UVRAG: variants seen among roughly 807,000 people sequenced by gnomAD.
UVRAG encodes the protein UV radiation resistance associated, also known as UV radiation resistance-associated gene protein.
UVRAG carries 19 observed loss-of-function variants against 78.0 expected under a neutral mutation model. The observed-to-expected ratio is 0.24, with a 90% CI of 0.17 to 0.36. The LOEUF (loss-of-function observed/expected upper bound fraction) is 0.36. Among genes scored for constraint, UVRAG ranks in the 10% least tolerant of loss-of-function variants. UVRAG has a pLI of 1.00. For missense variants in UVRAG, 740 were observed against 853.8 expected (o/e 0.87, Z 1.66); for synonymous variants, 323 against 324.6 (o/e 1.00, Z 0.05).
intron 3 of UVRAG, among the ~76,000 whole-genome samples, chr11:75,870,649 G>T (rs1404540882): frequency 1.3e-5 from 2 of 152,242 alleles, no homozygotes; most frequent in African/African-American, 2.4e-5. Context: ...GACCAGGAGG[G>T]TTTAGGCTTT....
intron 13 of UVRAG, among the ~76,000 whole-genome samples, chr11:76,101,251 C>T (rs1460784712): frequency 6.6e-6 from 1 of 152,002 alleles, no homozygotes; most frequent in South Asian, 2.1e-4. Flanking sequence ...TCAACTTTGC[C>T]AGCATCTATT....
intron 13 of UVRAG, among the ~76,000 whole-genome samples, chr11:76,113,924 C>CT (rs201639000): frequency 1.3e-4 from 20 of 151,820 alleles, no homozygotes; most frequent in Non-Finnish European, 2.2e-4. Flanking sequence ...CCACATTTTT[C>CT]TTTTTTTTGG....
chr11:76,129,862 A>G (rs972185829), intron 14 of UVRAG, among the ~76,000 whole-genome samples: 3 of 151,800 alleles, frequency 2.0e-5, no homozygotes, highest in African/African-American at 7.3e-5. Flanking sequence ...TTTCCAAAGT[A>G]TAAATGTCTC....
intron 5 of UVRAG, among the ~76,000 whole-genome samples, chr11:75,890,679 A>C (rs1481351911): frequency 2.0e-5 from 3 of 152,168 alleles, no homozygotes; most frequent in Non-Finnish European, 4.4e-5. Context: ...GGAGAGGACT[A>C]GGTTAGAAAT....
intron 12 of UVRAG, among the ~76,000 whole-genome samples, chr11:76,030,737 A>G (rs898154119): frequency 6.6e-6 from 1 of 152,184 alleles, no homozygotes; most frequent in African/African-American, 2.4e-5. Flanking sequence ...CTGTGCTTGT[A>G]CATGAAGCCC....
At chr11:75,956,388 CTTT>C (rs1319171839) in intron 6 of UVRAG, among the ~76,000 whole-genome samples, 5 of 128,770 alleles carry the variant, frequency 3.9e-5, no homozygotes, top group Non-Finnish European at 3.4e-5. Flanking sequence ...CAATTCTTGC[CTTT>C]TTTTTTTTTT....
At chr11:76,123,977 G>A (rs1291435630) in intron 14 of UVRAG, among the ~76,000 whole-genome samples, 1 of 151,650 alleles carries the variant, frequency 6.6e-6, no homozygotes, top group Non-Finnish European at 1.5e-5. Context: ...TGTTGGCCAG[G>A]CTGGTCTCGA....
intron 2 of UVRAG, among the ~76,000 whole-genome samples, chr11:75,859,936 G>GT (rs971143804): frequency 2.6e-5 from 4 of 152,200 alleles, no homozygotes; most frequent in African/African-American, 9.6e-5. Flanking sequence ...ATTCAGCCAG[G>GT]TAACAAAGTT....
At chr11:76,015,104 T>C (rs759081563) in intron 11 of UVRAG, among the ~76,000 whole-genome samples, 4 of 152,218 alleles carry the variant, frequency 2.6e-5, no homozygotes, top group Non-Finnish European at 4.4e-5. Context: ...CATCGAGGAC[T>C]CTCAGACTTT....
rs1252920854 is a variant in UVRAG at position 75,897,871 on chromosome 11, A to T, written c.507+8968A>T. Among the ~76,000 whole-genome samples the T allele has an allele frequency of 1.0e-4, 11 of 108,880 alleles. No individual in the cohort carries two copies. In the South Asian group the frequency reaches 1.5e-3, roughly 15 times the overall value. The allele number at this position is 108,880 out of a possible 152,430, so 71.4% of individuals were successfully genotyped here. ...ATATACTTACCTTCATAGCTCTTTA[A>T]TTTTTTTTTTTTTTTTTTGGACAAG... is the stretch of plus-strand genomic sequence containing the variant. On this transcript the variant is annotated intron_variant, in intron 5 of 14. Coordinates refer to ENST00000356136, the MANE Select transcript of UVRAG (RefSeq NM_003369.4).
chr11:75,926,480 G>A (rs1948107472), intron 6 of UVRAG, among the ~76,000 whole-genome samples: 3 of 152,146 alleles, frequency 2.0e-5, no homozygotes. Context: ...GAGGAAAACT[G>A]ACTTTAAACA....
intron 6 of UVRAG, among the ~76,000 whole-genome samples, chr11:75,938,227 T>C (rs75516980): frequency 0.03 from 4,560 of 152,254 alleles, 79 homozygotes; most frequent in South Asian, 0.064. Context: ...AAATTTTCAA[T>C]GTCACTATAT....
chr11:76,100,530 G>A (rs1038793074), intron 13 of UVRAG, among the ~76,000 whole-genome samples: 1 of 152,034 alleles, frequency 6.6e-6, no homozygotes, highest in African/African-American at 2.4e-5. Context: ...CAGGTAAAAG[G>A]TAGATATAAT....
chr11:75,978,036 C>T (rs1415163484), intron 7 of UVRAG, among the ~76,000 whole-genome samples: 2 of 152,156 alleles, frequency 1.3e-5, no homozygotes, highest in East Asian at 1.9e-4. Context: ...TTAGCGCTTC[C>T]TTCAGGAGCT....
chr11:75,888,882 T>C lies in UVRAG; in HGVS notation c.486T>C (p.Tyr162=). 4 of 1,613,590 alleles carry C rather than the reference T, an allele frequency of 2.5e-6. No individual in the cohort carries two copies. The highest frequency in any genetic ancestry group is 2.2e-5 in the South Asian group (2 of 90,940). The change falls in exon 5 of 15, where the codon TAT becomes TAC. Residue 162 remains tyrosine (Y), a synonymous_variant. Coordinates refer to ENST00000356136, the MANE Select transcript of UVRAG (RefSeq NM_003369.4). ...TTTTTGGGCTGAATGATGGATACTA[T>C]GGTGCTCCATTTGAACATAAGGTAA... ...EIIFGLNDGY[Y]GAPFEHKGYS...
rs59607906 is a variant in UVRAG, at chr11:75,949,714, T to TATACACAC, written c.594-11729_594-11728insTACACACA. Among the ~76,000 whole-genome samples the TATACACAC allele has an allele frequency of 6.4e-3, 881 of 136,826 alleles. 9 individuals are homozygous for TATACACAC. Among genetic ancestry groups the TATACACAC allele is most frequent in the African/African-American group, 0.024 (837 of 34,498 alleles). The allele number at this position is 136,826 out of a possible 152,430, so 89.8% of individuals were successfully genotyped here. A position where few individuals can be genotyped will look rare whatever the true frequency, so the allele number is the denominator to read the frequency against. On this transcript the variant is annotated intron_variant, in intron 6 of 14. Transcript: ENST00000356136. ...ATACATATATATATATATATATATA[T>TATACACAC]ACACACACACACACACATATACACA...
intron 12 of UVRAG, among the ~76,000 whole-genome samples, chr11:76,019,585 A>G (rs1018481598): frequency 2.0e-5 from 3 of 152,216 alleles, no homozygotes; most frequent in African/African-American, 4.8e-5. Context: ...TGGTTCTTGC[A>G]GTCTTGTAGA....
chr11:76,048,589 A>C (rs1393906670), intron 12 of UVRAG, among the ~76,000 whole-genome samples: 1 of 152,132 alleles, frequency 6.6e-6, no homozygotes, highest in Non-Finnish European at 1.5e-5. Context: ...GGGGCCTCTA[A>C]ATTGTCTTTT....
intron 6 of UVRAG, among the ~76,000 whole-genome samples, chr11:75,935,467 C>G (rs551103508): frequency 1.3e-5 from 2 of 152,048 alleles, no homozygotes; most frequent in South Asian, 2.1e-4. Context: ...GGCAATCTGT[C>G]TCTCTTTCTC....
Sources: allele counts gnomAD v4.1 joint callset (sites outside exome capture counted in the v4.1 genomes callset), GRCh38; gene constraint gnomAD v4.1.1; transcripts MANE v1.5; gene names NCBI Gene and HGNC (gene_info 2026-07-23, HGNC 2026-07-21).